Variants in STARD13 observed in about 807,000 individuals in gnomAD.
The protein encoded by STARD13 is StAR related lipid transfer domain containing 13, also known as stAR-related lipid transfer protein 13.
Under a neutral mutation model 106.4 loss-of-function variants are expected in STARD13, and 62 were observed. The ratio of observed to expected loss-of-function variants is 0.58; its 90% CI spans 0.48 to 0.72. STARD13 has a LOEUF of 0.72. Ranked by LOEUF, STARD13 falls within the 30% of genes least tolerant of loss-of-function variation. The probability of loss-of-function intolerance (pLI) is 0.00; values close to 1 mark genes in which losing one functional copy is unlikely to be tolerated. For synonymous variants in STARD13, 565 were observed against 553.0 expected (o/e 1.02, Z -0.31); for missense variants, 1,387 against 1,424.0 (o/e 0.97, Z 0.42).
At chr13:33,139,843 G>A (rs1879580035) in intron 4 of STARD13, among the ~76,000 whole-genome samples, 1 of 152,066 alleles carries the variant, frequency 6.6e-6, no homozygotes, top group Admixed American at 6.5e-5. Flanking sequence ...TCACAACAGT[G>A]TCTCCTAAGT....
At chr13:33,195,529 G>C (rs988654717) in intron 1 of STARD13, among the ~76,000 whole-genome samples, 3 of 152,158 alleles carry the variant, frequency 2.0e-5, no homozygotes, top group Non-Finnish European at 4.4e-5. Context: ...ATTTTTCTAT[G>C]TGAAGGATAC....
At chr13:33,492,651 C>T in the STARD13 span, among the ~76,000 whole-genome samples, 1 of 152,224 alleles carries the variant, frequency 6.6e-6, no homozygotes, top group African/African-American at 2.4e-5. Flanking sequence ...CAGGAAGTGA[C>T]TCTATATGAT....
At chr13:33,322,330 A>G (rs1893592446) in intron 1 of STARD13, among the ~76,000 whole-genome samples, 2 of 152,242 alleles carry the variant, frequency 1.3e-5, no homozygotes, top group South Asian at 4.1e-4. Context: ...CAATGCAATC[A>G]GTAAATCTTG....
rs552244639 is a variant in STARD13 at position 33,303,049 on chromosome 13, G to T, written c.124+47241C>A. Among the ~76,000 whole-genome samples, 7 of 152,206 alleles carry T rather than the reference G, an allele frequency of 4.6e-5. No individual in the cohort carries two copies. The South Asian group carries it at 8.3e-4, about 18-fold the overall frequency. On this transcript the variant is annotated intron_variant, in intron 1 of 5. Coordinates refer to the STARD13 transcript ENST00000567873. Reference sequence around the variant, plus strand: ...GAGTCCACCCCTGCTCTCACAGCCTGTGAGGCTCTCTTCTCACTCCTTCAA... The same window carrying T: ...GAGTCCACCCCTGCTCTCACAGCCTTTGAGGCTCTCTTCTCACTCCTTCAA...
intron 1 of STARD13, among the ~76,000 whole-genome samples, chr13:33,310,496 T>A (rs1893090088): frequency 6.6e-6 from 1 of 152,058 alleles, no homozygotes; most frequent in South Asian, 2.1e-4. Flanking sequence ...CACTGCCAAC[T>A]CTCTTGCGAT....
intron 1 of STARD13, among the ~76,000 whole-genome samples, chr13:33,316,691 T>G (rs539529372): frequency 6.6e-6 from 1 of 152,292 alleles, no homozygotes; most frequent in South Asian, 2.1e-4. Context: ...GATCTCCAAT[T>G]ATATGCTTTA....
intron 1 of STARD13, among the ~76,000 whole-genome samples, chr13:33,340,182 T>C (rs567901350): frequency 6.6e-6 from 1 of 152,352 alleles, no homozygotes; most frequent in South Asian, 2.1e-4. Context: ...GTTCTTCTAA[T>C]AATAAATATT....
At chr13:33,663,420 T>G in the STARD13 span, among the ~76,000 whole-genome samples, 36 of 152,230 alleles carry the variant, frequency 2.4e-4, no homozygotes, top group African/African-American at 8.0e-4. Context: ...TGCTAGGGTA[T>G]AGTTTATTCA....
At chr13:33,116,398 T>C (rs1386256126) in intron 8 of STARD13, among the ~76,000 whole-genome samples, 9 of 152,214 alleles carry the variant, frequency 5.9e-5, no homozygotes, top group Admixed American at 5.9e-4. Flanking sequence ...TTTGTGTTCA[T>C]GCCTCATCTC....
chr13:33,544,770 C>CTTTTTT, the STARD13 span, among the ~76,000 whole-genome samples: 10 of 108,714 alleles, frequency 9.2e-5, no homozygotes, highest in South Asian at 2.9e-4. Flanking sequence ...TGTTTTTTCT[C>CTTTTTT]TTTTTTTTTT....
chr13:33,126,090 G>A lies in STARD13; in HGVS notation c.2073C>T (p.Cys691=), dbSNP rs770653070. The change falls in exon 7 of 14, where the codon TGC becomes TGT. Residue 691 remains cysteine, a synonymous_variant. Coordinates refer to ENST00000336934, the MANE Select transcript of STARD13 (RefSeq NM_178006.4). Reference sequence around the variant, plus strand: ...GGGGTTACAGCCCTACCTGATCGAGGCAGTTGCTGCGTAGATATCTCAGTG... The same window carrying A: ...GGGGTTACAGCCCTACCTGATCGAGACAGTTGCTGCGTAGATATCTCAGTG... ...QQALRYLRSN[C]LDQVGLFRKS... 111 of 1,613,756 alleles carry A rather than the reference G, an allele frequency of 6.9e-5. No homozygotes were observed. The highest frequency in any genetic ancestry group is 9.2e-5 in the Non-Finnish European group (109 of 1,179,940).
intron 1 of STARD13, among the ~76,000 whole-genome samples, chr13:33,295,997 A>T (rs1359820981): frequency 6.6e-6 from 1 of 151,926 alleles, no homozygotes; most frequent in African/African-American, 2.4e-5. Context: ...GGATCACCTG[A>T]GGTCAGGTAG....
chr13:33,429,932 G>A, the STARD13 span, among the ~76,000 whole-genome samples: 2 of 149,758 alleles, frequency 1.3e-5, no homozygotes, highest in Non-Finnish European at 3.0e-5. Context: ...TTTTTTGGGG[G>A]GGGGGGACGG....
chr13:33,399,472 A>G, the STARD13 span, among the ~76,000 whole-genome samples: 1 of 152,124 alleles, frequency 6.6e-6, no homozygotes, highest in Non-Finnish European at 1.5e-5. Context: ...AGGCGGGTGG[A>G]TCACGAGGTC....
At chr13:33,189,714 C>T (rs1886102960) in intron 1 of STARD13, among the ~76,000 whole-genome samples, 1 of 151,788 alleles carries the variant, frequency 6.6e-6, no homozygotes, top group Non-Finnish European at 1.5e-5. Flanking sequence ...ACGCCTTTCT[C>T]AATTTCATCT....
the STARD13 span, among the ~76,000 whole-genome samples, chr13:33,366,921 A>G: frequency 6.6e-6 from 1 of 152,212 alleles, no homozygotes; most frequent in African/African-American, 2.4e-5. The surrounding 1 kb of genome is among the most constrained non-coding windows in gnomAD (Gnocchi z 4.2). Context: ...AACTCTTATG[A>G]AAGCTAACCT....
intron 1 of STARD13, among the ~76,000 whole-genome samples, chr13:33,255,774 G>C (rs923222555): frequency 1.3e-5 from 2 of 152,112 alleles, no homozygotes; most frequent in African/African-American, 4.8e-5. Flanking sequence ...CATGGCAAAG[G>C]CACAAACCCT....
At chr13:33,343,577 T>TAAA (rs1292508834) in intron 1 of STARD13, among the ~76,000 whole-genome samples, 2 of 37,104 alleles carry the variant, frequency 5.4e-5, no homozygotes, top group Non-Finnish European at 9.3e-5. Flanking sequence ...GACCCTGTCT[T>TAAA]AAAAAAAAAA....
intron 1 of STARD13, among the ~76,000 whole-genome samples, chr13:33,171,779 T>C (rs1033268023): frequency 3.3e-5 from 5 of 152,244 alleles, no homozygotes; most frequent in Non-Finnish European, 1.5e-5. Context: ...AGTTCAGTGG[T>C]TGGTGTGGTG....
Sources: allele counts gnomAD v4.1 joint callset (sites outside exome capture counted in the v4.1 genomes callset), GRCh38; gene constraint gnomAD v4.1.1; non-coding constraint Gnocchi (gnomAD v3.1); transcripts MANE v1.5; gene names NCBI Gene and HGNC (gene_info 2026-07-23, HGNC 2026-07-21).